The following NFATC3 variants were observed in gnomAD, a reference collection of about 807,000 sequenced individuals.
The protein encoded by NFATC3 is nuclear factor of activated T-cells, cytoplasmic 3.
In NFATC3, 46 loss-of-function variants were observed where a neutral mutation model predicts 98.6. The observed-to-expected ratio is 0.47, with a 90% CI of 0.37 to 0.60. The LOEUF (loss-of-function observed/expected upper bound fraction) is 0.60. Among genes scored for constraint, NFATC3 ranks in the 20% least tolerant of loss-of-function variants. The probability of loss-of-function intolerance (pLI) is 0.00; values close to 1 mark genes in which losing one functional copy is unlikely to be tolerated. For missense variants in NFATC3, 1,256 were observed against 1,295.5 expected (o/e 0.97, Z 0.47); for synonymous variants, 512 against 472.2 (o/e 1.08, Z -1.09).
chr16:68,105,116 A>C (rs1598367361), intron 1 of NFATC3, among the ~76,000 whole-genome samples: 1 of 126,534 alleles, frequency 7.9e-6, no homozygotes, highest in Non-Finnish European at 1.6e-5. Flanking sequence ...TTTGAGATGG[A>C]GTCTCACTTT....
chr16:68,132,354 T>A (rs528235665), intron 3 of NFATC3, among the ~76,000 whole-genome samples: 2 of 152,308 alleles, frequency 1.3e-5, no homozygotes, highest in Admixed American at 1.3e-4. Context: ...GCAGAGCTGC[T>A]AACCCACACA....
At chr16:68,219,252 A>G (rs1164481317) in intron 9 of NFATC3, among the ~76,000 whole-genome samples, 1 of 152,110 alleles carries the variant, frequency 6.6e-6, no homozygotes, top group African/African-American at 2.4e-5. Context: ...GCATGGTGGC[A>G]GGTACCTGTA....
At chr16:68,161,881 C>T (rs576075290) in intron 4 of NFATC3, among the ~76,000 whole-genome samples, 1 of 152,200 alleles carries the variant, frequency 6.6e-6, no homozygotes, top group East Asian at 1.9e-4. Context: ...AGGCTCATAT[C>T]CCAAATAATA....
chr16:68,160,522 A>G (rs1201584793), intron 4 of NFATC3, among the ~76,000 whole-genome samples: 4 of 152,074 alleles, frequency 2.6e-5, no homozygotes, highest in Non-Finnish European at 5.9e-5. Flanking sequence ...AAAAGTTAAT[A>G]TAAATTTAAA....
At chr16:68,106,724 A>G (rs558710316) in intron 1 of NFATC3, among the ~76,000 whole-genome samples, 1 of 148,626 alleles carries the variant, frequency 6.7e-6, no homozygotes, top group African/African-American at 2.5e-5. Flanking sequence ...CCGTACCCGG[A>G]CGCCTTTTTT....
chr16:68,108,804 T>C (rs2035799211), intron 1 of NFATC3, among the ~76,000 whole-genome samples: 1 of 152,184 alleles, frequency 6.6e-6, no homozygotes, highest in Non-Finnish European at 1.5e-5. Flanking sequence ...CCTTGTTAGC[T>C]GTGTTCCTAG....
At chr16:68,127,795 T>C (rs1444550535) in intron 3 of NFATC3, among the ~76,000 whole-genome samples, 4 of 152,160 alleles carry the variant, frequency 2.6e-5, no homozygotes, top group African/African-American at 4.8e-5. Context: ...ATGGCATAGA[T>C]TGACTTCTAC....
chr16:68,127,286 T>G (rs182795101), intron 3 of NFATC3, among the ~76,000 whole-genome samples: 4 of 152,212 alleles, frequency 2.6e-5, no homozygotes, highest in Admixed American at 2.6e-4. Context: ...AATCTAACCC[T>G]CTCAGAAATA....
At chr16:68,096,342 A>G (rs1181480204) in intron 1 of NFATC3, among the ~76,000 whole-genome samples, 1 of 152,210 alleles carries the variant, frequency 6.6e-6, no homozygotes, top group Non-Finnish European at 1.5e-5. Flanking sequence ...GTTAAAGGAT[A>G]AAATAGAAGA....
chr16:68,148,443 C>A (rs1438316310), intron 3 of NFATC3, among the ~76,000 whole-genome samples: 2 of 151,978 alleles, frequency 1.3e-5, no homozygotes, highest in African/African-American at 2.4e-5. Flanking sequence ...AATGAGAATA[C>A]TGATAGATTT....
At position 68,150,804 on chromosome 16, in the gene NFATC3, T is replaced by C. The variant is rs142639259; in HGVS notation, c.1402-7065T>C. Among the ~76,000 whole-genome samples, 923 of 152,280 alleles carry C rather than the reference T, an allele frequency of 6.1e-3. 7 individuals are homozygous for C. The highest frequency in any genetic ancestry group is 0.021 in the African/African-American group (854 of 41,542). ...TTGAATCACTGGGGTGGCTTCCCCA[T>C]GCTGTTCTCTTGATAGTGAGTTCTC... On this transcript the variant is annotated intron_variant, in intron 3 of 9. Coordinates refer to ENST00000346183, the MANE Select transcript of NFATC3 (RefSeq NM_173165.3).
intron 4 of NFATC3, among the ~76,000 whole-genome samples, chr16:68,165,836 G>A (rs984218692): frequency 3.3e-5 from 5 of 152,184 alleles, no homozygotes; most frequent in African/African-American, 9.7e-5. Flanking sequence ...TTGTTAGCAA[G>A]GTTAACTAGT....
chr16:68,110,999 T>C (rs752624590), intron 1 of NFATC3, among the ~76,000 whole-genome samples: 79 of 152,350 alleles, frequency 5.2e-4, no homozygotes, highest in Non-Finnish European at 7.6e-4. Context: ...TCTAATTTGA[T>C]TGCGCTGTGG....
At chr16:68,098,235 T>C (rs924548065) in intron 1 of NFATC3, among the ~76,000 whole-genome samples, 1 of 150,800 alleles carries the variant, frequency 6.6e-6, no homozygotes, top group Non-Finnish European at 1.5e-5. Context: ...AATGTAATGG[T>C]TGGGTAATTT....
chr16:68,096,868 T>C (rs2035046504), intron 1 of NFATC3, among the ~76,000 whole-genome samples: 1 of 152,186 alleles, frequency 6.6e-6, no homozygotes, highest in South Asian at 2.1e-4. Context: ...TTGAGGAGTT[T>C]GGATTTTAGT....
chr16:68,173,209 C>CAA (rs2039544680), intron 5 of NFATC3, among the ~76,000 whole-genome samples: 1 of 151,990 alleles, frequency 6.6e-6, no homozygotes, highest in South Asian at 2.1e-4. Flanking sequence ...CTGCAGTGAG[C>CAA]TGATCATGCC....
intron 3 of NFATC3, among the ~76,000 whole-genome samples, chr16:68,135,731 G>C (rs2037368550): frequency 6.6e-6 from 1 of 151,992 alleles, no homozygotes; most frequent in African/African-American, 2.4e-5. Context: ...ATTTAATATA[G>C]ATTATCTGTA....
intron 9 of NFATC3, among the ~76,000 whole-genome samples, chr16:68,220,674 G>A (rs2041827759): frequency 6.7e-6 from 1 of 149,002 alleles, no homozygotes; most frequent in Non-Finnish European, 1.5e-5. Context: ...TTGGGAGGTC[G>A]AGGCAGGTGG....
chr16:68,210,995 G>T (rs2151157882), intron 9 of NFATC3, among the ~76,000 whole-genome samples: 1 of 152,018 alleles, frequency 6.6e-6, no homozygotes, highest in South Asian at 2.1e-4. Flanking sequence ...TATTGGCCAG[G>T]CTGGTCTCGA....
Sources: gnomAD v4.1 joint callset for allele counts (sites outside exome capture counted in the v4.1 genomes callset) on GRCh38, gnomAD v4.1.1 for gene constraint, MANE v1.5 for transcripts, NCBI Gene and HGNC (gene_info 2026-07-23, HGNC 2026-07-21) for gene names.